Variants in VPS35L observed in about 807,000 individuals in gnomAD.
The protein encoded by VPS35L is VPS35 endosomal protein sorting factor like, also known as VPS35 endosomal protein-sorting factor-like.
VPS35L carries 83 observed loss-of-function variants against 133.0 expected under a neutral mutation model. That is an observed-to-expected ratio of 0.62 (90% CI 0.52 to 0.75). The LOEUF (loss-of-function observed/expected upper bound fraction) is 0.75, where lower values mean the gene tolerates loss of function less well. Among genes scored for constraint, VPS35L ranks in the 30% least tolerant of loss-of-function variants. The pLI is 0.00. For synonymous variants in VPS35L, 423 were observed against 449.9 expected, an observed-to-expected ratio of 0.94 and a Z score of 0.76; for missense variants, 1,083 against 1,206.8, an observed-to-expected ratio of 0.90 and a Z score of 1.52.
chr16:19,608,200 A>C lies in VPS35L; in HGVS notation c.807A>C (p.Ala269=). The change falls in exon 10 of 31, where the codon GCA becomes GCC. Residue 269 remains alanine (A), a synonymous_variant. Transcript: ENST00000417362. The part of the protein sequence containing the change: ...VLPDHFSPEN[A]NDTAKETCLN... ...CAGATCACTTTTCTCCAGAGAATGC[A>C]AATGACACGGCCAAGGAAACATGCC... 4 of 1,613,606 alleles carry C rather than the reference A, an allele frequency of 2.5e-6. No individual in the cohort carries two copies. The highest frequency in any genetic ancestry group is 3.4e-6 in the Non-Finnish European group (4 of 1,179,632).
intron 26 of VPS35L, among the ~76,000 whole-genome samples, chr16:19,653,239 G>T (rs1332401464): frequency 3.3e-5 from 5 of 152,174 alleles, no homozygotes; most frequent in African/African-American, 1.2e-4. Flanking sequence ...TTTGCTGCAG[G>T]ACACCCTGGT....
chr16:19,597,158 C>T (rs896831305), intron 8 of VPS35L, among the ~76,000 whole-genome samples: 2 of 151,940 alleles, frequency 1.3e-5, no homozygotes, highest in African/African-American at 4.8e-5. Flanking sequence ...AACTTGAGTC[C>T]AGGAGTTCAA....
At position 19,654,033 on chromosome 16, in the gene VPS35L, C is replaced by T. The variant is rs139992810; in HGVS notation, c.2221+1943C>T. Among the ~76,000 whole-genome samples the T allele has an allele frequency of 3.3e-3, 503 of 152,296 alleles. 1 individual carries two copies. The highest frequency in any genetic ancestry group is 6.8e-3 in the Middle Eastern group (2 of 294). On this transcript the variant is annotated intron_variant, in intron 26 of 30. Coordinates refer to ENST00000417362, the MANE Select transcript of VPS35L (RefSeq NM_020314.7). ...TCATCTCCCATTTGCTTTAGTCACA[C>T]AGGCCTGCTTCTGTTCTTTGAACAC...
At chr16:19,599,066 C>A (rs887836949) in intron 8 of VPS35L, among the ~76,000 whole-genome samples, 1 of 152,192 alleles carries the variant, frequency 6.6e-6, no homozygotes, top group Non-Finnish European at 1.5e-5. Flanking sequence ...AACCCAGAGC[C>A]GCTGATAAGG....
chr16:19,590,246 ACT>A (rs1194856017), intron 7 of VPS35L, among the ~76,000 whole-genome samples: 5 of 146,746 alleles, frequency 3.4e-5, no homozygotes, highest in Admixed American at 2.9e-4. Context: ...AAACTTGGTG[ACT>A]CTAACAATTT....
intron 3 of VPS35L, among the ~76,000 whole-genome samples, chr16:19,571,789 C>T (rs1252630863): frequency 6.6e-6 from 1 of 151,874 alleles, no homozygotes; most frequent in East Asian, 1.9e-4. Context: ...AGGTGATCTG[C>T]CCACATTGGC....
In VPS35L at chr16:19,700,416, A is replaced by G; in HGVS notation, c.2832A>G (p.Gln944=). ...TLEYIKKQSK[Q]PDMTHLTELA... ...AATACATCAAGAAGCAAAGCAAACA[A>G]CCAGACATGACTCATCTGACGGAGC... The change falls in exon 31 of 31, where the codon CAA becomes CAG. Residue 944 remains glutamine (Q), a synonymous_variant. Transcript: ENST00000417362. 6.2e-7 allele frequency: 1 copy of G among 1,614,142 alleles called. No individual in the cohort carries two copies. Among genetic ancestry groups the G allele is most frequent in the Non-Finnish European group, 8.5e-7 (1 of 1,180,016 alleles).
chr16:19,685,579 T>C (rs1205929814), intron 28 of VPS35L, among the ~76,000 whole-genome samples: 1 of 152,232 alleles, frequency 6.6e-6, no homozygotes, highest in African/African-American at 2.4e-5. Context: ...GATCTGCTTA[T>C]ATTCTGCGTT....
intron 27 of VPS35L, among the ~76,000 whole-genome samples, chr16:19,677,369 C>G (rs550619150): frequency 2.6e-4 from 40 of 152,290 alleles, no homozygotes; most frequent in African/African-American, 8.7e-4. Context: ...AGGCGTGAGC[C>G]ATGCGTCCAG....
chr16:19,646,537 T>G (rs1973955664), intron 23 of VPS35L, among the ~76,000 whole-genome samples: 1 of 151,956 alleles, frequency 6.6e-6, no homozygotes, highest in Admixed American at 6.6e-5. Context: ...TTGTGGTGCA[T>G]GCCTGTAATC....
intron 8 of VPS35L, 142 bp downstream of exon 8, chr16:19,592,016 C>G: frequency 1.7e-6 from 1 of 603,092 alleles, no homozygotes; most frequent in Non-Finnish European, 2.9e-6. Context: ...CGTTCCCCCC[C>G]ACGCCCATTA....
At chr16:19,611,180 A>C (rs1972706888) in intron 12 of VPS35L, among the ~76,000 whole-genome samples, 1 of 152,088 alleles carries the variant, frequency 6.6e-6, no homozygotes, top group Non-Finnish European at 1.5e-5. Flanking sequence ...TTGTATATTT[A>C]GTAGAGATGG....
At chr16:19,601,470 A>G (rs1453836024) in intron 8 of VPS35L, 194 bp from the exon 9 acceptor site, 1 of 559,828 alleles carries the variant, frequency 1.8e-6, no homozygotes, top group Non-Finnish European at 3.1e-6. Flanking sequence ...AAAGAAAGTA[A>G]AAGTCTACTG....
At chr16:19,638,968 TG>T (rs1264728782) in intron 20 of VPS35L, among the ~76,000 whole-genome samples, 2 of 152,004 alleles carry the variant, frequency 1.3e-5, no homozygotes, top group African/African-American at 4.8e-5. Context: ...TAGCCAGGTG[TG>T]GTGGTGCATG....
chr16:19,689,908 ATTTAT>A (rs572029402), intron 28 of VPS35L, among the ~76,000 whole-genome samples: 23 of 152,212 alleles, frequency 1.5e-4, no homozygotes, highest in Non-Finnish European at 2.9e-4. Flanking sequence ...TAGCACGAAG[ATTTAT>A]TTTATTTTGT....
intron 26 of VPS35L, among the ~76,000 whole-genome samples, chr16:19,656,962 G>GT (rs1180404849): frequency 0.061 from 6,699 of 109,556 alleles, 385 homozygotes; most frequent in Admixed American, 0.087. Flanking sequence ...AAAAGAACTT[G>GT]TTTTTTTTTT....
At chr16:19,626,030 C>G in intron 14 of VPS35L, 147 bp from the exon 15 acceptor site, 1 of 554,420 alleles carries the variant, frequency 1.8e-6, no homozygotes, top group Non-Finnish European at 3.2e-6. Context: ...TCTCCCCAAG[C>G]CTCCCCATCC....
chr16:19,573,817 AAAAT>A (rs1219642636), intron 4 of VPS35L, among the ~76,000 whole-genome samples: 2 of 152,158 alleles, frequency 1.3e-5, no homozygotes, highest in Admixed American at 6.5e-5. Flanking sequence ...TATCTCAAAA[AAAAT>A]TAATTAATTA....
intron 23 of VPS35L, among the ~76,000 whole-genome samples, chr16:19,646,410 T>C (rs966015781): frequency 1.3e-5 from 2 of 152,178 alleles, no homozygotes; most frequent in Non-Finnish European, 2.9e-5. Context: ...GGCTCACATC[T>C]GTAATCCCAG....
Sources: allele counts gnomAD v4.1 joint callset (sites outside exome capture counted in the v4.1 genomes callset), GRCh38; gene constraint gnomAD v4.1.1; transcripts MANE v1.5; gene names NCBI Gene and HGNC (gene_info 2026-07-23, HGNC 2026-07-21).